Variants in ZNF562 observed in about 807,000 individuals in gnomAD.
The protein encoded by ZNF562 is zinc finger protein 562.
Under a neutral mutation model 17.5 loss-of-function variants are expected in ZNF562, and 13 were observed. The observed-to-expected ratio is 0.74, with a 90% CI of 0.48 to 1.18. The LOEUF is 1.18. Among genes scored for constraint, ZNF562 ranks in the 50% most tolerant of loss-of-function variants. The probability of loss-of-function intolerance (pLI) is 0.00; values close to 1 mark genes in which losing one functional copy is unlikely to be tolerated. For synonymous variants in ZNF562, 163 were observed against 165.4 expected, an observed-to-expected ratio of 0.99 and a Z score of 0.11; for missense variants, 481 against 498.5, an observed-to-expected ratio of 0.96 and a Z score of 0.33.
At chr19:9,671,013 A>AG (rs1461969834) in intron 1 of ZNF562, among the ~76,000 whole-genome samples, 1 of 151,964 alleles carries the variant, frequency 6.6e-6, no homozygotes, top group Non-Finnish European at 1.5e-5. Context: ...AAAAAAAAAA[A>AG]AAGAGGTTGA....
At position 9,660,088 on chromosome 19, in the gene ZNF562, C is replaced by CAA. The variant is rs1175978470; in HGVS notation, c.26-623_26-622dup. On this transcript the variant is annotated intron_variant, in intron 2 of 5. Coordinates refer to ENST00000453372, the MANE Select transcript of ZNF562 (RefSeq NM_001130031.2). ...TGGGTGACAGAGTGAGACTCCATCT[C>CAA]AAAAAAAAAAAAAAAAAAAAAAAAA... Among the ~76,000 whole-genome samples, 417 of 48,252 alleles carry CAA rather than the reference C, an allele frequency of 8.6e-3. 10 individuals carry two copies. Among genetic ancestry groups the CAA allele is most frequent in the Admixed American group, 0.01 (42 of 4,020 alleles). The allele number at this position is 48,252 out of a possible 152,430, so 31.7% of individuals were successfully genotyped here.
In ZNF562 at chr19:9,647,673, T is replaced by A. The variant is rs901682498; in HGVS notation, c.*5276A>T. 1.3e-5 allele frequency: 2 copies of A among 152,086 alleles called. No individual in the cohort carries two copies. Among genetic ancestry groups the A allele is most frequent in the Admixed American group, 6.6e-5 (1 of 15,248 alleles). The allele number at this position is 152,086 out of a possible 1,614,324, so 9.4% of individuals were successfully genotyped here. A position where few individuals can be genotyped will look rare whatever the true frequency, so the allele number is the denominator to read the frequency against. ...TTTGAGACCAGCCTGGCCAACTTGA[T>A]GAAACCGTCTCTACTAAAAATACAA... is the stretch of plus-strand genomic sequence containing the variant. On this transcript the variant is annotated 3_prime_UTR_variant, in exon 6 of 6. Coordinates refer to ENST00000453372, the MANE Select transcript of ZNF562 (RefSeq NM_001130031.2).
intron 1 of ZNF562, among the ~76,000 whole-genome samples, chr19:9,672,458 A>G (rs1238334892): frequency 6.6e-6 from 1 of 152,160 alleles, no homozygotes; most frequent in Non-Finnish European, 1.5e-5. Flanking sequence ...AAGAAATAAA[A>G]TGCTAAAAAA....
At chr19:9,660,222 C>G (rs1239352286) in intron 2 of ZNF562, among the ~76,000 whole-genome samples, 1 of 151,034 alleles carries the variant, frequency 6.6e-6, no homozygotes, top group Non-Finnish European at 1.5e-5. Context: ...AAGGTTACAC[C>G]ACTGCACTCC....
At chr19:9,670,120 T>C (rs995948849) in intron 1 of ZNF562, among the ~76,000 whole-genome samples, 2 of 151,958 alleles carry the variant, frequency 1.3e-5, no homozygotes, top group Middle Eastern at 3.2e-3. Flanking sequence ...AGGCCTGTAG[T>C]CCTGGCTACT....
Position 9,660,731 on chromosome 19 carries a change from T to C in ZNF562, c.14A>G (p.Asp5Gly). 6.2e-7 allele frequency: 1 copy of C among 1,613,544 alleles called. No homozygotes were observed. The highest frequency in any genetic ancestry group is 8.5e-7 in the Non-Finnish European group (1 of 1,179,684). ...CAACAAGGACTTACCATGGGACATA[T>C]CAAAGGCTGACATCCTCTGAAGCTG... MSAF[D>G]MSHGFFPREP... Residue 5 changes from aspartate to glycine, a missense_variant, in exon 2 of 6, where the codon GAT becomes GGT. By Grantham distance (94) the Asp-to-Gly change is moderately conservative. This residue lies in a region of ZNF562 where 403 missense variants were observed against 386.4 expected (regional missense o/e 1.04). Transcript: ENST00000453372.
intron 1 of ZNF562, 24 bp from the exon 2 acceptor site, chr19:9,660,898 A>C: frequency 3.3e-6 from 2 of 608,086 alleles, no homozygotes; most frequent in Non-Finnish European, 5.5e-6. Flanking sequence ...TCACCAAACA[A>C]CAAGCATCAA....
Position 9,643,064 on chromosome 19 carries a change from G to C in ZNF562, c.*9885C>G, listed in dbSNP as rs112449826. ...CTCTGGAAAAAAAAAAAAAAAAAAA[G>C]AACACCACCGGCCACTGTGGCTCAT... On this transcript the variant is annotated 3_prime_UTR_variant, in exon 6 of 6. Transcript: ENST00000453372. 13 of 71,702 alleles carry C rather than the reference G, an allele frequency of 1.8e-4. No homozygotes were observed. The highest frequency in any genetic ancestry group is 9.3e-4 in the African/African-American group (12 of 12,958). 4.4% of individuals were successfully genotyped at this position (71,702 alleles called of 1,614,324 possible). A position where few individuals can be genotyped will look rare whatever the true frequency, so the allele number is the denominator to read the frequency against.
rs1486835052 is a variant in ZNF562 at position 9,643,951 on chromosome 19, C to T, written c.*8998G>A. 1 of 151,860 alleles carries T rather than the reference C, an allele frequency of 6.6e-6. No homozygotes were observed. The highest frequency in any genetic ancestry group is 1.5e-5 in the Non-Finnish European group (1 of 67,964). 9.4% of individuals were successfully genotyped at this position (151,860 alleles called of 1,614,324 possible). On this transcript the variant is annotated 3_prime_UTR_variant, in exon 6 of 6. Coordinates refer to ENST00000453372, the MANE Select transcript of ZNF562 (RefSeq NM_001130031.2). ...AGCTAGGAATACATGCACATGCCACCACGCCCAGCTATATTTTTTTAGTTT... is the reference window on the plus strand; with the variant it reads ...AGCTAGGAATACATGCACATGCCACTACGCCCAGCTATATTTTTTTAGTTT...
chr19:9,656,871 A>AAAAAAAAAT (rs376933513), intron 4 of ZNF562, among the ~76,000 whole-genome samples: 10 of 142,434 alleles, frequency 7.0e-5, no homozygotes, highest in South Asian at 4.4e-4. Flanking sequence ...AAAATACAAA[A>AAAAAAAAAT]ATATATATAT....
chr19:9,664,222 C>CCA (rs1290619760), intron 1 of ZNF562, among the ~76,000 whole-genome samples: 1 of 152,184 alleles, frequency 6.6e-6, no homozygotes, highest in Non-Finnish European at 1.5e-5. Flanking sequence ...GCATACATCA[C>CCA]CACACCTGGC....
At chr19:9,664,476 G>A (rs1036107757) in intron 1 of ZNF562, among the ~76,000 whole-genome samples, 1 of 152,182 alleles carries the variant, frequency 6.6e-6, no homozygotes, top group Admixed American at 6.5e-5. Context: ...ACTGGCCAGT[G>A]GACTGTCTTC....
Position 9,660,840 on chromosome 19 carries a change from TCTCCATTCC to T in ZNF562, c.-105_-97del. 7.7e-7 allele frequency: 1 copy of T among 1,299,008 alleles called. No individual in the cohort carries two copies. The highest frequency in any genetic ancestry group is 1.9e-5 in the Admixed American group (1 of 53,932). The allele number at this position is 1,299,008 out of a possible 1,614,324, so 80.5% of individuals were successfully genotyped here. ...TATGAATCTAGGTGGATACAGGCAA[TCTCCATTCC>T]CCTTTGTACAGGGTTATCTGAGGCC... On this transcript the variant is annotated 5_prime_UTR_variant, in exon 2 of 6. It removes an upstream start codon present in the reference 5' UTR. Coordinates refer to ENST00000453372, the MANE Select transcript of ZNF562 (RefSeq NM_001130031.2).
Position 9,652,674 on chromosome 19 carries a change from G to T in ZNF562, c.*275C>A. 1 of 271,014 alleles carries T rather than the reference G, an allele frequency of 3.7e-6. No homozygotes were observed. 16.8% of individuals were successfully genotyped at this position (271,014 alleles called of 1,614,324 possible). A position where few individuals can be genotyped will look rare whatever the true frequency, so the allele number is the denominator to read the frequency against. On this transcript the variant is annotated 3_prime_UTR_variant, in exon 6 of 6. Transcript: ENST00000453372. Reference sequence around the variant, plus strand: ...CTCGGGATGCATCTAAGGCCAATCTGTGAGCCATTACAACCTCCAAAAGGC... The same window carrying T: ...CTCGGGATGCATCTAAGGCCAATCTTTGAGCCATTACAACCTCCAAAAGGC...
At chr19:9,663,887 A>T (rs761483181) in intron 1 of ZNF562, among the ~76,000 whole-genome samples, 4 of 151,830 alleles carry the variant, frequency 2.6e-5, no homozygotes, top group Non-Finnish European at 4.4e-5. Context: ...AATAGCTGGG[A>T]TTACAGGTGC....
chr19:9,669,120 C>T (rs1051825888), intron 1 of ZNF562, among the ~76,000 whole-genome samples: 4 of 152,124 alleles, frequency 2.6e-5, no homozygotes, highest in Non-Finnish European at 4.4e-5. Flanking sequence ...TATGAGATTA[C>T]ATCAAGCTAA....
At position 9,643,797 on chromosome 19, in the gene ZNF562, T is replaced by G. The variant is rs919160574; in HGVS notation, c.*9152A>C. On this transcript the variant is annotated 3_prime_UTR_variant, in exon 6 of 6. Coordinates refer to ENST00000453372, the MANE Select transcript of ZNF562 (RefSeq NM_001130031.2). ...TCCAGGCATAAGCCACTTTGCCCAG[T>G]TGCTACTATTATACTTAGCGCATTT... is the stretch of plus-strand genomic sequence containing the variant. 6.6e-6 allele frequency: 1 copy of G among 152,092 alleles called. No individual in the cohort carries two copies. The highest frequency in any genetic ancestry group is 1.5e-5 in the Non-Finnish European group (1 of 68,036). The allele number at this position is 152,092 out of a possible 1,614,324, so 9.4% of individuals were successfully genotyped here.
chr19:9,648,658 T>G lies in ZNF562; in HGVS notation c.*4291A>C, dbSNP rs1211965168. 1.3e-5 allele frequency: 2 copies of G among 152,094 alleles called. No homozygotes were observed. The highest frequency in any genetic ancestry group is 2.9e-5 in the Non-Finnish European group (2 of 68,080). 9.4% of individuals were successfully genotyped at this position (152,094 alleles called of 1,614,324 possible). A position where few individuals can be genotyped will look rare whatever the true frequency, so the allele number is the denominator to read the frequency against. ...CCATGCATTCACTTCTTCAAGTTTT[T>G]TTTTTGTTTTGTTTTTGTTTTTTTT... On this transcript the variant is annotated 3_prime_UTR_variant, in exon 6 of 6. Coordinates refer to ENST00000453372, the MANE Select transcript of ZNF562 (RefSeq NM_001130031.2).
rs891870427 is a variant in ZNF562, at chr19:9,658,334, G to C, written c.115-199C>G. Reference sequence around the variant, plus strand: ...CTCCTACAGGCATATGCCTTAAACAGCACTTTTTTTCTTTCTTTCTTTCTT... The same window carrying C: ...CTCCTACAGGCATATGCCTTAAACACCACTTTTTTTCTTTCTTTCTTTCTT... On this transcript the variant is annotated intron_variant, in intron 3 of 5. Transcript: ENST00000453372. 14 of 985,102 alleles carry C rather than the reference G, an allele frequency of 1.4e-5. No homozygotes were observed. The African/African-American group carries it at 2.4e-4, about 17-fold the overall frequency. The allele number at this position is 985,102 out of a possible 1,614,324, so 61.0% of individuals were successfully genotyped here.
Sources: allele counts gnomAD v4.1 joint callset (sites outside exome capture counted in the v4.1 genomes callset), GRCh38; gene constraint gnomAD v4.1.1; regional missense constraint gnomAD v4.1.1; transcripts MANE v1.5; gene names NCBI Gene and HGNC (gene_info 2026-07-23, HGNC 2026-07-21).